The following ZNF385D variants were observed in gnomAD, a reference collection of about 807,000 sequenced individuals.
ZNF385D encodes zinc finger protein 659.
In ZNF385D, 15 loss-of-function variants were observed where a neutral mutation model predicts 35.8. The ratio of observed to expected loss-of-function variants is 0.42; its 90% CI spans 0.28 to 0.64. The LOEUF (loss-of-function observed/expected upper bound fraction) is 0.64. ZNF385D is among the 30% of genes least tolerant of loss of function. The pLI, the probability that ZNF385D is intolerant of heterozygous loss-of-function variation, is 0.23. For missense variants in ZNF385D, 474 were observed against 494.6 expected, an observed-to-expected ratio of 0.96 and a Z score of 0.39; for synonymous variants, 212 against 186.8, an observed-to-expected ratio of 1.13 and a Z score of -1.10.
chr3:21,894,967 A>C (rs1284215543), intron 3 of ZNF385D, among the ~76,000 whole-genome samples: 1 of 152,088 alleles, frequency 6.6e-6, no homozygotes, highest in Admixed American at 6.6e-5. Flanking sequence ...CCAGCAAAAC[A>C]CAGAGAGGTG....
At position 21,710,936 on chromosome 3, in the gene ZNF385D, TGC is replaced by T. The variant is rs2068075870; in HGVS notation, c.22+39957_22+39958del. Among the ~76,000 whole-genome samples, 5 of 152,122 alleles carry T rather than the reference TGC, an allele frequency of 3.3e-5. No individual in the cohort carries two copies. The South Asian group carries it at 1.0e-3, about 32-fold the overall frequency. On this transcript the variant is annotated intron_variant, in intron 1 of 7. Coordinates refer to ENST00000281523, the MANE Select transcript of ZNF385D (RefSeq NM_024697.3). ...AATAAAGTCACTTTTCTAATCTAAA[TGC>T]TCTCTGATTTTCCCCATTCCTTCCT... is the stretch of plus-strand genomic sequence containing the variant.
chr3:22,360,178 T>G (rs1469277683), intron 2 of ZNF385D, among the ~76,000 whole-genome samples: 2 of 152,002 alleles, frequency 1.3e-5, no homozygotes, highest in Admixed American at 6.6e-5. Flanking sequence ...TTTTAGGAAC[T>G]AAGAAGCCAA....
At chr3:22,014,108 C>A (rs1284441138) in intron 3 of ZNF385D, among the ~76,000 whole-genome samples, 1 of 151,914 alleles carries the variant, frequency 6.6e-6, no homozygotes, top group East Asian at 1.9e-4. Flanking sequence ...CAAAGAGTTT[C>A]AAGATGCTAT....
At chr3:21,473,426 T>C (rs1183471092) in intron 4 of ZNF385D, among the ~76,000 whole-genome samples, 1 of 152,100 alleles carries the variant, frequency 6.6e-6, no homozygotes, top group Non-Finnish European at 1.5e-5. Context: ...TTATCTCCTT[T>C]TCTGGCAAAT....
At position 21,416,012 on chromosome 3, in the gene ZNF385D, CTTCTTTTTTTTTTTT is replaced by C; in HGVS notation, c.*5187_*5201del. The C allele has an allele frequency of 3.0e-5, 1 of 33,090 alleles. No individual in the cohort carries two copies. The highest frequency in any genetic ancestry group is 6.4e-3 in the East Asian group (1 of 156). The allele number at this position is 33,090 out of a possible 1,614,324, so 2.0% of individuals were successfully genotyped here. A position where few individuals can be genotyped will look rare whatever the true frequency, so the allele number is the denominator to read the frequency against. ...TGTGACTCTTCATGACCTGCATGAA[CTTCTTTTTTTTTTTT>C]TTTTTTTTTTTTTTGAGACGGAGTC... On this transcript the variant is annotated 3_prime_UTR_variant, in exon 8 of 8. Coordinates refer to ENST00000281523, the MANE Select transcript of ZNF385D (RefSeq NM_024697.3).
chr3:22,205,822 AGAAG>A (rs1038423131), intron 2 of ZNF385D, among the ~76,000 whole-genome samples: 14 of 152,100 alleles, frequency 9.2e-5, no homozygotes, highest in African/African-American at 3.4e-4. Context: ...ACTAAAAGGA[AGAAG>A]GAAGGAAAGA....
At chr3:22,285,451 T>A (rs56323301) in intron 2 of ZNF385D, among the ~76,000 whole-genome samples, 51 of 150,434 alleles carry the variant, frequency 3.4e-4, no homozygotes, top group African/African-American at 1.3e-3. Context: ...ATTGACAGGA[T>A]TTTTTTCTCT....
chr3:22,048,716 T>G (rs1043193523), intron 3 of ZNF385D, among the ~76,000 whole-genome samples: 7 of 152,206 alleles, frequency 4.6e-5, no homozygotes, highest in African/African-American at 7.2e-5. Flanking sequence ...CAAGATTGCT[T>G]TAACTATTCT....
chr3:21,936,201 A>C (rs1047933417), intron 3 of ZNF385D, among the ~76,000 whole-genome samples: 1 of 152,150 alleles, frequency 6.6e-6, no homozygotes, highest in Non-Finnish European at 1.5e-5. Flanking sequence ...TTTTATTCAC[A>C]TCACCAGATG....
intron 3 of ZNF385D, among the ~76,000 whole-genome samples, chr3:21,962,621 T>G (rs1702658545): frequency 6.6e-6 from 1 of 152,210 alleles, no homozygotes; most frequent in Admixed American, 6.5e-5. Flanking sequence ...GCAGTTCAGC[T>G]CCCAGAAGGG....
intron 3 of ZNF385D, among the ~76,000 whole-genome samples, chr3:22,123,830 C>A (rs1449811280): frequency 6.6e-6 from 1 of 151,766 alleles, no homozygotes; most frequent in Non-Finnish European, 1.5e-5. Context: ...CCACTGCACT[C>A]CAGCCTGGGC....
intron 3 of ZNF385D, among the ~76,000 whole-genome samples, chr3:21,865,662 G>C (rs373845323): frequency 6.6e-6 from 1 of 152,120 alleles, no homozygotes; most frequent in South Asian, 2.1e-4. Context: ...GTTAAATTAG[G>C]TGATCTTATA....
At chr3:22,145,019 T>TGTGTGTGTGC (rs1236817138) in intron 3 of ZNF385D, among the ~76,000 whole-genome samples, 1 of 151,096 alleles carries the variant, frequency 6.6e-6, no homozygotes, top group African/African-American at 2.4e-5. Flanking sequence ...TATGTGTGTG[T>TGTGTGTGTGC]GTGTGTGTGT....
At chr3:21,835,682 TA>T (rs1469821231) in intron 3 of ZNF385D, among the ~76,000 whole-genome samples, 1 of 152,062 alleles carries the variant, frequency 6.6e-6, no homozygotes, top group Non-Finnish European at 1.5e-5. Flanking sequence ...AGGTTCTTGG[TA>T]AACCAGAAAT....
intron 1 of ZNF385D, among the ~76,000 whole-genome samples, chr3:21,680,333 A>G (rs1422082086): frequency 6.6e-6 from 1 of 152,174 alleles, no homozygotes; most frequent in Non-Finnish European, 1.5e-5. Context: ...AGAATAAGCA[A>G]AACACTTTTT....
chr3:21,476,558 ATG>A (rs138334432), intron 4 of ZNF385D, among the ~76,000 whole-genome samples: 2,412 of 150,752 alleles, frequency 0.016, 65 homozygotes, highest in African/African-American at 0.056. Flanking sequence ...AGGGTGGGGT[ATG>A]TGTGTGTGTG....
intron 4 of ZNF385D, among the ~76,000 whole-genome samples, chr3:21,467,765 T>C (rs529146486): frequency 1.3e-5 from 2 of 152,324 alleles, no homozygotes; most frequent in South Asian, 4.1e-4. Flanking sequence ...CCATGCGTTC[T>C]AGTTAAAAGC....
At chr3:22,260,298 T>A (rs969053269) in intron 2 of ZNF385D, among the ~76,000 whole-genome samples, 2 of 151,770 alleles carry the variant, frequency 1.3e-5, no homozygotes, top group Non-Finnish European at 2.9e-5. Context: ...TGAGAACACA[T>A]GAACAATGAG....
At chr3:22,281,188 C>T (rs1474556299) in intron 2 of ZNF385D, among the ~76,000 whole-genome samples, 1 of 152,038 alleles carries the variant, frequency 6.6e-6, no homozygotes, top group Non-Finnish European at 1.5e-5. Context: ...CAAACAGTGA[C>T]AGTTTGACTT....
Sources: gnomAD v4.1 joint callset for allele counts (sites outside exome capture counted in the v4.1 genomes callset) on GRCh38, gnomAD v4.1.1 for gene constraint, MANE v1.5 for transcripts, NCBI Gene and HGNC (gene_info 2026-07-23, HGNC 2026-07-21) for gene names.